HELZ: variants seen among roughly 807,000 people sequenced by gnomAD.
The protein encoded by HELZ is helicase with zinc finger.
A neutral mutation model predicts 218.2 loss-of-function variants in HELZ; 23 were observed. That is an observed-to-expected ratio of 0.11 (90% CI 0.08 to 0.15). The LOEUF is 0.15. Ranked by LOEUF, HELZ falls within the 10% of genes least tolerant of loss-of-function variation. The pLI is 1.00. For missense variants in HELZ, 1,813 were observed against 2,353.7 expected, an observed-to-expected ratio of 0.77 and a Z score of 4.75; for synonymous variants, 814 against 829.4, an observed-to-expected ratio of 0.98 and a Z score of 0.32.
At chr17:67,213,697 A>T (rs578066004) in intron 5 of HELZ, among the ~76,000 whole-genome samples, 1 of 151,996 alleles carries the variant, frequency 6.6e-6, no homozygotes, top group South Asian at 2.1e-4. Context: ...ACTATCCTAT[A>T]AAAAAAAGGG....
intron 32 of HELZ, 42 bp downstream of exon 32, chr17:67,086,787 C>G (rs761627698): frequency 6.2e-7 from 1 of 1,600,232 alleles, no homozygotes; most frequent in Non-Finnish European, 8.5e-7. Flanking sequence ...TATCCGGGAG[C>G]TGAGGAGTAC....
chr17:67,102,026 G>A (rs2143699258), intron 31 of HELZ, among the ~76,000 whole-genome samples: 1 of 152,340 alleles, frequency 6.6e-6, no homozygotes, highest in Admixed American at 6.5e-5. Flanking sequence ...AGGCAGTACT[G>A]CCAGACCACA....
At chr17:67,244,530 C>T in intron 1 of HELZ, 1 of 865,656 alleles carries the variant, frequency 1.2e-6, no homozygotes, top group Non-Finnish European at 1.4e-6. Flanking sequence ...GAGAGCCTAT[C>T]TTTATTTTTG....
intron 5 of HELZ, among the ~76,000 whole-genome samples, chr17:67,208,584 TA>T (rs1281033208): frequency 6.6e-6 from 1 of 152,040 alleles, no homozygotes; most frequent in Non-Finnish European, 1.5e-5. Context: ...ATAAATTTTT[TA>T]AAAAATAGTT....
rs149931184 is a variant in HELZ at position 67,234,292 on chromosome 17, C to CA, written c.-19+5140dup. ...GAGCCGAGATGGAGCCACTGTACTC[C>CA]AAAAAAAAAAAAAAAAGAAAGAAAA... On this transcript the variant is annotated intron_variant, in intron 3 of 32. Coordinates refer to ENST00000358691, the MANE Select transcript of HELZ (RefSeq NM_014877.4). 4.7e-3 allele frequency among the ~76,000 whole-genome samples: 389 copies of CA among 82,686 alleles called. 1 individual carries two copies. Among genetic ancestry groups the CA allele is most frequent in the East Asian group, 8.6e-3 (24 of 2,780 alleles). 54.2% of individuals were successfully genotyped at this position (82,686 alleles called of 152,430 possible).
upstream of HELZ, chr17:67,245,412 T>G: frequency 1.1e-6 from 1 of 874,276 alleles, no homozygotes; most frequent in Non-Finnish European, 1.4e-6. Flanking sequence ...GGCTTTGGGG[T>G]TTTCTCCCTT....
intron 15 of HELZ, among the ~76,000 whole-genome samples, chr17:67,165,232 C>T (rs959857814): frequency 6.6e-6 from 1 of 152,088 alleles, no homozygotes; most frequent in African/African-American, 2.4e-5. Flanking sequence ...GGGGACTGCA[C>T]AGTAAGAGTA....
At chr17:67,173,063 G>A in intron 13 of HELZ, 4 of 980,398 alleles carry the variant, frequency 4.1e-6, no homozygotes, top group Non-Finnish European at 4.8e-6. Flanking sequence ...CAAAATTCTT[G>A]AGGTAGAGGC....
chr17:67,181,549 A>G (rs1221428847), intron 12 of HELZ, among the ~76,000 whole-genome samples: 2 of 152,232 alleles, frequency 1.3e-5, no homozygotes, highest in Non-Finnish European at 2.9e-5. Context: ...ACTATTATGT[A>G]TCCATAAAAA....
At chr17:67,215,578 A>T (rs928031304) in intron 5 of HELZ, among the ~76,000 whole-genome samples, 1 of 152,094 alleles carries the variant, frequency 6.6e-6, no homozygotes, top group African/African-American at 2.4e-5. Flanking sequence ...CAAACTCCAG[A>T]TCTTGTGATC....
Position 67,157,929 on chromosome 17 carries a change from T to C in HELZ, c.2177+2332A>G, listed in dbSNP as rs557039172. The stretch of plus-strand genomic sequence containing the variant: ...CCATAAATCTGCCAGAACCAGATAC[T>C]GATCTTGAGAACCACACACAAAAAT... On this transcript the variant is annotated intron_variant, in intron 17 of 32. Coordinates refer to ENST00000358691, the MANE Select transcript of HELZ (RefSeq NM_014877.4). Among the ~76,000 whole-genome samples, 3 of 152,320 alleles carry C rather than the reference T, an allele frequency of 2.0e-5. No homozygotes were observed. In the South Asian group the frequency reaches 6.2e-4, roughly 32 times the overall value.
intron 28 of HELZ, among the ~76,000 whole-genome samples, chr17:67,112,380 G>T (rs2037305913): frequency 6.6e-6 from 1 of 152,212 alleles, no homozygotes; most frequent in African/African-American, 2.4e-5. Flanking sequence ...CGTGCGATTG[G>T]TTTCGTCCCA....
Position 67,109,476 on chromosome 17 carries a change from G to A in HELZ, c.4129C>T (p.His1377Tyr). ...PRPPFPIPQQ[H>Y]TLLNQQQNNL... ...TTCTGCTGCTGATTTAACAAGGTGT[G>A]CTGCTGTGGAATTGGAAAGGGTGGT... is the stretch of plus-strand genomic sequence containing the variant. Residue 1377 changes from histidine (H) to tyrosine (Y), a missense_variant, in exon 29 of 33, where the codon CAC becomes TAC. Physicochemically the swap from His to Tyr is moderately conservative, Grantham distance 83 (BLOSUM62 2). Coordinates refer to ENST00000358691, the MANE Select transcript of HELZ (RefSeq NM_014877.4). The A allele has an allele frequency of 6.2e-7, 1 of 1,614,160 alleles. No individual in the cohort carries two copies. Among genetic ancestry groups the A allele is most frequent in the African/African-American group, 1.3e-5 (1 of 75,034 alleles).
intron 14 of HELZ, 31 bp from the exon 15 acceptor site, chr17:67,166,639 G>C (rs373801903): frequency 1.4e-4 from 231 of 1,607,894 alleles, no homozygotes; most frequent in Non-Finnish European, 1.9e-4. Context: ...TTTAAAAACT[G>C]CATGAAAGCA....
At chr17:67,110,053 A>G (rs1444445406) in intron 28 of HELZ, among the ~76,000 whole-genome samples, 1 of 151,930 alleles carries the variant, frequency 6.6e-6, no homozygotes, top group Non-Finnish European at 1.5e-5. Flanking sequence ...TTCTGATTTC[A>G]GGGTGGGTTT....
chr17:67,119,700 A>G (rs777789867), intron 27 of HELZ, among the ~76,000 whole-genome samples: 1 of 152,206 alleles, frequency 6.6e-6, no homozygotes, highest in African/African-American at 2.4e-5. Flanking sequence ...AATAACCTTT[A>G]TATCAACAAT....
chr17:67,235,329 ACC>A (rs1416361445), intron 3 of HELZ, among the ~76,000 whole-genome samples: 1 of 151,810 alleles, frequency 6.6e-6, no homozygotes, highest in African/African-American at 2.4e-5. Context: ...ACATGGTGAA[ACC>A]CCGTCTCTAC....
rs1317015122 is a variant in HELZ, at chr17:67,109,254, C to G, written c.4351G>C (p.Glu1451Gln). 4.3e-6 allele frequency: 7 copies of G among 1,613,934 alleles called. No individual in the cohort carries two copies. The highest frequency in any genetic ancestry group is 5.9e-6 in the Non-Finnish European group (7 of 1,180,018). The change falls in exon 29 of 33, where the codon GAG becomes CAG. Residue 1451 changes from glutamate to glutamine, a missense_variant. Coordinates refer to ENST00000358691, the MANE Select transcript of HELZ (RefSeq NM_014877.4). ...QSPPAEAVIPEQQPPPMLQEG... is the reference protein window; with the variant it reads ...QSPPAEAVIPQQQPPPMLQEG... ...TGCAGCATGGGAGGGGGCTGCTGCT[C>G]CGGAATTACAGCTTCTGCAGGAGGA...
At chr17:67,215,081 C>T (rs755299315) in intron 5 of HELZ, among the ~76,000 whole-genome samples, 2 of 151,982 alleles carry the variant, frequency 1.3e-5, no homozygotes, top group Non-Finnish European at 2.9e-5. Context: ...AAGGTAGAGG[C>T]TGCAGTGAGC....
Sources: gnomAD v4.1 joint callset for allele counts (sites outside exome capture counted in the v4.1 genomes callset) on GRCh38, gnomAD v4.1.1 for gene constraint, MANE v1.5 for transcripts, NCBI Gene and HGNC (gene_info 2026-07-23, HGNC 2026-07-21) for gene names.